HIPK2: variants seen among roughly 807,000 people sequenced by gnomAD.
HIPK2 encodes homeodomain interacting protein kinase 2.
In HIPK2, 27 loss-of-function variants were observed where a neutral mutation model predicts 113.7. That is an observed-to-expected ratio of 0.24 (90% CI 0.17 to 0.33). The LOEUF (loss-of-function observed/expected upper bound fraction) is 0.33. Among genes scored for constraint, HIPK2 ranks in the 10% least tolerant of loss-of-function variants. The pLI, the probability that HIPK2 is intolerant of heterozygous loss-of-function variation, is 1.00. For missense variants in HIPK2, 1,257 were observed against 1,588.0 expected, an observed-to-expected ratio of 0.79 and a Z score of 3.54; for synonymous variants, 631 against 642.2, an observed-to-expected ratio of 0.98 and a Z score of 0.26.
chr7:139,697,901 G>A (rs890377600), intron 2 of HIPK2, among the ~76,000 whole-genome samples: 2 of 140,590 alleles, frequency 1.4e-5, no homozygotes, highest in African/African-American at 2.8e-5. Flanking sequence ...ACGGAGTCTC[G>A]CTCTGTCGCC....
At chr7:139,746,186 C>A (rs900510645) in intron 1 of HIPK2, among the ~76,000 whole-genome samples, 2 of 152,198 alleles carry the variant, frequency 1.3e-5, no homozygotes, top group Non-Finnish European at 2.9e-5. Context: ...AATAAAAAAA[C>A]CTGTGACCTG....
chr7:139,772,250 G>A (rs1325014788), intron 1 of HIPK2, among the ~76,000 whole-genome samples: 1 of 152,246 alleles, frequency 6.6e-6, no homozygotes, highest in East Asian at 1.9e-4. Flanking sequence ...ACAACTACCT[G>A]GAATACAAGG....
rs1483495574 is a variant in HIPK2 at position 139,570,764 on chromosome 7, T to A, written c.*2163A>T. ...GGAGGATGAGGATGGGGCCGCTGAC[T>A]CGGGAAAGATCTCTTTGCACCTTGG... On this transcript the variant is annotated 3_prime_UTR_variant, in exon 15 of 15. Transcript: ENST00000406875. 2.0e-5 allele frequency: 3 copies of A among 152,552 alleles called. No individual in the cohort carries two copies. The highest frequency in any genetic ancestry group is 4.4e-5 in the Non-Finnish European group (3 of 68,082). 9.4% of individuals were successfully genotyped at this position (152,552 alleles called of 1,614,324 possible).
At position 139,567,657 on chromosome 7, in the gene HIPK2, G is replaced by C. The variant is rs1798134784; in HGVS notation, c.*5270C>G. ...AAACACACCAGAAGGAAAAGACACA[G>C]ACAGGGAATGAAGCCTGCAAAGTCC... On this transcript the variant is annotated 3_prime_UTR_variant, in exon 15 of 15. Coordinates refer to ENST00000406875, the MANE Select transcript of HIPK2 (RefSeq NM_022740.5). 1 of 152,176 alleles carries C rather than the reference G, an allele frequency of 6.6e-6. No individual in the cohort carries two copies. The highest frequency in any genetic ancestry group is 2.4e-5 in the African/African-American group (1 of 41,426). 9.4% of individuals were successfully genotyped at this position (152,176 alleles called of 1,614,324 possible). A position where few individuals can be genotyped will look rare whatever the true frequency, so the allele number is the denominator to read the frequency against.
chr7:139,715,773 C>A, intron 2 of HIPK2, 159 bp downstream of exon 2: 1 of 597,616 alleles, frequency 1.7e-6, no homozygotes, highest in Non-Finnish European at 2.1e-6. Flanking sequence ...ATTGACATCG[C>A]AATGTGCACA....
intron 2 of HIPK2, among the ~76,000 whole-genome samples, chr7:139,671,126 C>T (rs1486538053): frequency 6.6e-6 from 1 of 152,110 alleles, no homozygotes; most frequent in Admixed American, 6.5e-5. Context: ...AAAAATAACA[C>T]TTTAAAACTC....
At position 139,746,903 on chromosome 7, in the gene HIPK2, C is replaced by T. The variant is rs75215442; in HGVS notation, c.20-29888G>A. On this transcript the variant is annotated intron_variant, in intron 1 of 14. Coordinates refer to ENST00000406875, the MANE Select transcript of HIPK2 (RefSeq NM_022740.5). ...TCTGCCTCACACCCCTCGCTTGTCT[C>T]GGGGTTAGAGATATTATAAGACTTG... Among the ~76,000 whole-genome samples the T allele has an allele frequency of 2.5e-3, 374 of 152,210 alleles. 4 individuals carry two copies. Among genetic ancestry groups the T allele is most frequent in the African/African-American group, 8.5e-3 (352 of 41,514 alleles).
intron 2 of HIPK2, among the ~76,000 whole-genome samples, chr7:139,713,751 T>C (rs1396440416): frequency 6.6e-6 from 1 of 152,190 alleles, no homozygotes; most frequent in Admixed American, 6.5e-5. Context: ...AGCCAGCCTT[T>C]GGCATGCTGA....
At chr7:139,759,179 C>T (rs1313557057) in intron 1 of HIPK2, among the ~76,000 whole-genome samples, 1 of 152,160 alleles carries the variant, frequency 6.6e-6, no homozygotes, top group African/African-American at 2.4e-5. Context: ...CATTTAAATA[C>T]ATGAAAATAT....
In HIPK2 at chr7:139,777,687, C is replaced by G. The variant is rs1796807474; in HGVS notation, c.-64G>C. ...GGAAAGCGGCGCGCGAGCTCGGCCC[C>G]CCCAGCCTCAGTCGGAATCTGCCAT... is the stretch of plus-strand genomic sequence containing the variant. On this transcript the variant is annotated 5_prime_UTR_variant, in exon 1 of 15. Transcript: ENST00000406875. 3.7e-6 allele frequency: 4 copies of G among 1,084,672 alleles called. No homozygotes were observed. 67.2% of individuals were successfully genotyped at this position (1,084,672 alleles called of 1,614,324 possible).
At chr7:139,703,910 CAA>C (rs1794793607) in intron 2 of HIPK2, among the ~76,000 whole-genome samples, 1 of 141,628 alleles carries the variant, frequency 7.1e-6, no homozygotes. Flanking sequence ...ATACTACACC[CAA>C]CACATACAAC....
intron 1 of HIPK2, among the ~76,000 whole-genome samples, chr7:139,757,264 T>C (rs1796378521): frequency 6.6e-6 from 1 of 152,232 alleles, no homozygotes; most frequent in South Asian, 2.1e-4. Context: ...ACCCTGTAAT[T>C]ATGTTTCACC....
chr7:139,689,961 T>C (rs751530859), intron 2 of HIPK2, among the ~76,000 whole-genome samples: 6 of 150,040 alleles, frequency 4.0e-5, no homozygotes, highest in Non-Finnish European at 5.9e-5. Flanking sequence ...CCATCCACAG[T>C]GAGAGCTCAC....
intron 2 of HIPK2, among the ~76,000 whole-genome samples, chr7:139,688,600 AG>A (rs1458215848): frequency 6.6e-6 from 1 of 152,216 alleles, no homozygotes; most frequent in Non-Finnish European, 1.5e-5. Flanking sequence ...GAGGGCTGGT[AG>A]GCTACTTATT....
At chr7:139,627,051 T>C (rs908652726) in intron 5 of HIPK2, among the ~76,000 whole-genome samples, 12 of 152,160 alleles carry the variant, frequency 7.9e-5, no homozygotes, top group African/African-American at 2.9e-4. Flanking sequence ...TATATCTGAA[T>C]GACAGGATGT....
At chr7:139,690,210 G>A (rs1052314030) in intron 2 of HIPK2, among the ~76,000 whole-genome samples, 1 of 152,180 alleles carries the variant, frequency 6.6e-6, no homozygotes. Flanking sequence ...GTGTAAAGGG[G>A]TGGTGAATGC....
At chr7:139,731,712 TAA>T (rs1795788662) in intron 1 of HIPK2, among the ~76,000 whole-genome samples, 2 of 152,232 alleles carry the variant, frequency 1.3e-5, no homozygotes, top group Non-Finnish European at 1.5e-5. Flanking sequence ...GAGATGCAGA[TAA>T]CCCTTTCCCC....
At position 139,746,810 on chromosome 7, in the gene HIPK2, T is replaced by C. The variant is rs529719116; in HGVS notation, c.20-29795A>G. 3.3e-5 allele frequency among the ~76,000 whole-genome samples: 5 copies of C among 152,204 alleles called. No individual in the cohort carries two copies. The South Asian group carries it at 8.3e-4, about 25-fold the overall frequency. Reference sequence around the variant, plus strand: ...TCCTTCTAGGCTATCCCTTCACTGTTCAGAGTCCAGTCGGCCAAGGTGACG... The same window carrying C: ...TCCTTCTAGGCTATCCCTTCACTGTCCAGAGTCCAGTCGGCCAAGGTGACG... On this transcript the variant is annotated intron_variant, in intron 1 of 14. Transcript: ENST00000406875.
In HIPK2 at chr7:139,594,882, G is replaced by C. The variant is rs899645851; in HGVS notation, c.2717+1835C>G. 2.6e-5 allele frequency among the ~76,000 whole-genome samples: 4 copies of C among 151,744 alleles called. No homozygotes were observed. In the East Asian group the frequency reaches 7.7e-4, roughly 29 times the overall value. ...CTGGCTCTCTCTCCCAGGTTTCTTTGAGTTGTTCCCATGAAGGTCCTCATC... is the reference window on the plus strand; with the variant it reads ...CTGGCTCTCTCTCCCAGGTTTCTTTCAGTTGTTCCCATGAAGGTCCTCATC... On this transcript the variant is annotated intron_variant, in intron 12 of 14. Coordinates refer to ENST00000406875, the MANE Select transcript of HIPK2 (RefSeq NM_022740.5).
Sources: allele counts gnomAD v4.1 joint callset (sites outside exome capture counted in the v4.1 genomes callset), GRCh38; gene constraint gnomAD v4.1.1; transcripts MANE v1.5; gene names NCBI Gene and HGNC (gene_info 2026-07-23, HGNC 2026-07-21).